Variants in TAF4B observed in about 807,000 individuals in gnomAD.
TAF4B encodes TATA-box binding protein associated factor 4b.
In TAF4B, 38 loss-of-function variants were observed where a neutral mutation model predicts 86.4. The observed-to-expected ratio is 0.44, with a 90% confidence interval of 0.34 to 0.58. The LOEUF (loss-of-function observed/expected upper bound fraction) is 0.58. Ranked by LOEUF, TAF4B falls within the 20% of genes least tolerant of loss-of-function variation. The pLI is 0.02. For synonymous variants in TAF4B, 388 were observed against 391.2 expected, an observed-to-expected ratio of 0.99 and a Z score of 0.10; for missense variants, 988 against 1,027.6, an observed-to-expected ratio of 0.96 and a Z score of 0.53.
intron 13 of TAF4B, among the ~76,000 whole-genome samples, chr18:26,343,384 G>A (rs2057151033): frequency 6.6e-6 from 1 of 152,148 alleles, no homozygotes; most frequent in African/African-American, 2.4e-5. Context: ...TTATTCTAAT[G>A]AGCGTACCAA....
chr18:26,318,160 A>C (rs2056930502), intron 10 of TAF4B, among the ~76,000 whole-genome samples: 1 of 152,128 alleles, frequency 6.6e-6, no homozygotes, highest in Non-Finnish European at 1.5e-5. Flanking sequence ...AACCTTTTGA[A>C]GTAGCTGGGA....
At chr18:26,362,502 C>G (rs2057339451) in intron 14 of TAF4B, among the ~76,000 whole-genome samples, 1 of 152,210 alleles carries the variant, frequency 6.6e-6, no homozygotes, top group Non-Finnish European at 1.5e-5. Context: ...TTATAATAAA[C>G]AGATTTTTAG....
intron 14 of TAF4B, among the ~76,000 whole-genome samples, chr18:26,370,078 C>T (rs183830751): frequency 1.4e-4 from 22 of 152,302 alleles, no homozygotes; most frequent in Admixed American, 2.0e-4. Flanking sequence ...TTTATTACCA[C>T]AGAACATTTT....
At chr18:26,238,101 T>G (rs190212478) in intron 1 of TAF4B, among the ~76,000 whole-genome samples, 7 of 152,318 alleles carry the variant, frequency 4.6e-5, no homozygotes, top group South Asian at 2.1e-4. Flanking sequence ...TACTGACGCA[T>G]TCTCGAAAAC....
At chr18:26,306,642 CT>C (rs1459756741) in intron 9 of TAF4B, among the ~76,000 whole-genome samples, 13 of 152,070 alleles carry the variant, frequency 8.5e-5, no homozygotes, top group African/African-American at 3.1e-4. Context: ...CAAAGGTGCA[CT>C]TTTCATTTTT....
At chr18:26,257,990 T>G (rs2056110435) in intron 1 of TAF4B, among the ~76,000 whole-genome samples, 1 of 152,016 alleles carries the variant, frequency 6.6e-6, no homozygotes, top group Non-Finnish European at 1.5e-5. Flanking sequence ...GTGTGGTGGC[T>G]CATGCCTGTA....
At chr18:26,376,749 T>C (rs902273946) in intron 14 of TAF4B, among the ~76,000 whole-genome samples, 2 of 152,086 alleles carry the variant, frequency 1.3e-5, no homozygotes, top group African/African-American at 4.8e-5. Context: ...CCTTTTTTAT[T>C]TCAGAATTTA....
intron 7 of TAF4B, among the ~76,000 whole-genome samples, chr18:26,288,616 C>T (rs142206030): frequency 0.016 from 2,466 of 152,106 alleles, 57 homozygotes; most frequent in African/African-American, 0.056. Context: ...GCCTGGGTGA[C>T]GAGCGAAACT....
At position 26,390,779 on chromosome 18, in the gene TAF4B, A is replaced by C. The variant is rs1978662494; in HGVS notation, c.*767A>C. On this transcript the variant is annotated 3_prime_UTR_variant, in exon 15 of 15. Transcript: ENST00000269142. The stretch of plus-strand genomic sequence containing the variant: ...GAATGTGAAAATGGTATCATAAAAC[A>C]GGAAATGTGCTTCATATGCCCAAGA... 1.3e-5 allele frequency: 2 copies of C among 152,232 alleles called. No individual in the cohort carries two copies. The highest frequency in any genetic ancestry group is 6.5e-5 in the Admixed American group (1 of 15,292). The allele number at this position is 152,232 out of a possible 1,614,324, so 9.4% of individuals were successfully genotyped here.
intron 14 of TAF4B, among the ~76,000 whole-genome samples, chr18:26,364,882 C>T (rs1408583857): frequency 2.0e-5 from 3 of 151,552 alleles, no homozygotes; most frequent in Non-Finnish European, 2.9e-5. Context: ...CTACATGGTG[C>T]TTATAGTATC....
intron 1 of TAF4B, among the ~76,000 whole-genome samples, chr18:26,242,737 T>A (rs1275261308): frequency 6.6e-6 from 1 of 152,216 alleles, no homozygotes; most frequent in African/African-American, 2.4e-5. Context: ...TGTTCCTTGC[T>A]GTGTTTAGTG....
At chr18:26,345,065 C>T (rs2057165978) in intron 13 of TAF4B, among the ~76,000 whole-genome samples, 1 of 152,176 alleles carries the variant, frequency 6.6e-6, no homozygotes, top group African/African-American at 2.4e-5. Flanking sequence ...GGAGAGCTAC[C>T]ATGAATTCAC....
intron 9 of TAF4B, among the ~76,000 whole-genome samples, chr18:26,301,545 C>G (rs1598776893): frequency 6.6e-6 from 1 of 152,246 alleles, no homozygotes; most frequent in East Asian, 1.9e-4. Flanking sequence ...CCTCCTGACT[C>G]AGCCTTCCAA....
intron 14 of TAF4B, among the ~76,000 whole-genome samples, chr18:26,378,634 T>C (rs1043029833): frequency 1.3e-5 from 2 of 152,218 alleles, no homozygotes; most frequent in African/African-American, 4.8e-5. Context: ...GTATTGGTTT[T>C]AATTGTAACC....
At chr18:26,339,756 C>T (rs1427945133) in intron 13 of TAF4B, among the ~76,000 whole-genome samples, 5 of 152,184 alleles carry the variant, frequency 3.3e-5, no homozygotes, top group Admixed American at 6.5e-5. Flanking sequence ...ATCTGGCCCT[C>T]GGTATTTTCT....
intron 12 of TAF4B, 118 bp downstream of exon 12, chr18:26,327,258 T>A: frequency 7.9e-7 from 1 of 1,273,486 alleles, no homozygotes; most frequent in Non-Finnish European, 1.1e-6. Context: ...GAGGATTTCC[T>A]AAAACGAAAT....
At chr18:26,263,701 C>T (rs768662360) in intron 1 of TAF4B, among the ~76,000 whole-genome samples, 1 of 149,076 alleles carries the variant, frequency 6.7e-6, no homozygotes, top group East Asian at 1.9e-4. Context: ...TTCTTTCGCT[C>T]TTTCTCTCTT....
Position 26,286,429 on chromosome 18 carries a change from A to T in TAF4B, c.1520A>T (p.Lys507Ile). The change falls in exon 7 of 15, where the codon AAA (lysine) becomes ATA (isoleucine). Residue 507 changes from lysine to isoleucine, a missense_variant. Around this residue, in one of 3 missense-constraint regions of TAF4B, gnomAD observed 747 missense variants for 737.9 expected, o/e 1.01. Coordinates refer to ENST00000269142, the MANE Select transcript of TAF4B (RefSeq NM_005640.3). The stretch of plus-strand genomic sequence containing the variant: ...GTTATTGGGACTCCAGTTCAAATCA[A>T]ACTTGCCCAGCCGGGCCCTGTCCTT... ...KPVIGTPVQI[K>I]LAQPGPVLSQ... 1 of 1,614,162 alleles carries T rather than the reference A, an allele frequency of 6.2e-7. No individual in the cohort carries two copies. The highest frequency in any genetic ancestry group is 8.5e-7 in the Non-Finnish European group (1 of 1,180,034).
At position 26,350,961 on chromosome 18, in the gene TAF4B, A is replaced by T. The variant is rs566952300; in HGVS notation, c.2317-6729A>T. ...TAGTATAGCCACTGTGAAGAATGGC[A>T]TGGAGATTCCTCTTAAAATTACAAA... On this transcript the variant is annotated intron_variant, in intron 13 of 14. Coordinates refer to ENST00000269142, the MANE Select transcript of TAF4B (RefSeq NM_005640.3). 9.3e-4 allele frequency among the ~76,000 whole-genome samples: 141 copies of T among 152,334 alleles called. 1 individual carries two copies. Among genetic ancestry groups the T allele is most frequent in the Non-Finnish European group, 1.6e-3 (108 of 68,006 alleles).
Sources: gnomAD v4.1 joint callset for allele counts (sites outside exome capture counted in the v4.1 genomes callset) on GRCh38, gnomAD v4.1.1 for gene constraint, gnomAD v4.1.1 regional missense constraint, MANE v1.5 for transcripts, NCBI Gene and HGNC (gene_info 2026-07-23, HGNC 2026-07-21) for gene names.